Variants in ATAD5 observed in about 807,000 individuals in gnomAD.
The protein encoded by ATAD5 is ATPase family AAA domain containing 5.
A neutral mutation model predicts 176.9 loss-of-function variants in ATAD5; 58 were observed. The observed-to-expected ratio is 0.33, with a 90% confidence interval of 0.27 to 0.41. ATAD5 has a LOEUF of 0.41. Among genes scored for constraint, ATAD5 ranks in the 10% least tolerant of loss-of-function variants. The pLI is 1.00. For missense variants in ATAD5, 1,789 were observed against 2,094.1 expected, an observed-to-expected ratio of 0.85 and a Z score of 2.84; for synonymous variants, 640 against 712.6, an observed-to-expected ratio of 0.90 and a Z score of 1.62.
intron 14 of ATAD5, among the ~76,000 whole-genome samples, chr17:30,870,401 T>G (rs996530481): frequency 1.3e-5 from 2 of 152,208 alleles, no homozygotes; most frequent in African/African-American, 2.4e-5. Context: ...TATAGTCCTC[T>G]TCCCTATATT....
intron 10 of ATAD5, 23 bp downstream of exon 10, chr17:30,860,635 A>G: frequency 6.6e-7 from 1 of 1,522,812 alleles, no homozygotes; most frequent in Non-Finnish European, 8.7e-7. Flanking sequence ...AAACATCCCA[A>G]AAGAAATAGA....
chr17:30,858,379 A>G, intron 9 of ATAD5, 56 bp downstream of exon 9: 1 of 1,160,394 alleles, frequency 8.6e-7, no homozygotes, highest in Non-Finnish European at 1.1e-6. Context: ...TTTTTATATT[A>G]TTTATTATTT....
In ATAD5 at chr17:30,837,233, CA is replaced by C; in HGVS notation, c.2001del (p.Lys667AsnfsTer40). 6.4e-7 allele frequency: 1 copy of C among 1,566,316 alleles called. No homozygotes were observed. The highest frequency in any genetic ancestry group is 8.6e-7 in the Non-Finnish European group (1 of 1,158,978). On this transcript the variant is annotated frameshift_variant, in exon 3 of 23. Transcript: ENST00000321990. LOFTEE classifies it high-confidence loss of function. ...TGAAATTCACCAGAATTAGTACTCCCAAAAAATCTAAGAAAAAATCTAACAA... is the reference window on the plus strand; with the variant it reads ...TGAAATTCACCAGAATTAGTACTCCCAAAAATCTAAGAAAAAATCTAACAA... The part of the protein sequence containing the change: ...RMKFTRISTP[K>X]KSKKKSNKRS...
chr17:30,875,964 C>T (rs989165199), intron 14 of ATAD5, among the ~76,000 whole-genome samples: 12 of 151,334 alleles, frequency 7.9e-5, no homozygotes, highest in African/African-American at 2.7e-4. Flanking sequence ...GGTGAAACCC[C>T]GTCTCTACTA....
At chr17:30,881,835 G>A (rs1909032344) in intron 18 of ATAD5, among the ~76,000 whole-genome samples, 1 of 152,112 alleles carries the variant, frequency 6.6e-6, no homozygotes, top group Admixed American at 6.6e-5. Flanking sequence ...GATCACTTGA[G>A]TATGGGAGGC....
intron 6 of ATAD5, among the ~76,000 whole-genome samples, chr17:30,850,121 A>G (rs1484697404): frequency 6.6e-6 from 1 of 152,072 alleles, no homozygotes; most frequent in African/African-American, 2.4e-5. Flanking sequence ...AGCTTGGGTA[A>G]CAGAGCAAGA....
Position 30,894,070 on chromosome 17 carries a change from A to G in ATAD5, c.5217A>G (p.Arg1739=). 1 of 1,609,922 alleles carries G rather than the reference A, an allele frequency of 6.2e-7. No homozygotes were observed. The change falls in exon 21 of 23, where the codon AGA becomes AGG. Residue 1739 remains arginine, a synonymous_variant. Transcript: ENST00000321990. ...TGAATTCTTGCAAGAAATTAGGAAG[A>G]GATCCAACCAACGATCTTACTTTTT... ...ETLNSCKKLG[R]DPTNDLTFYV...
At chr17:30,880,443 T>A (rs541905335) in intron 18 of ATAD5, among the ~76,000 whole-genome samples, 1 of 152,024 alleles carries the variant, frequency 6.6e-6, no homozygotes, top group East Asian at 1.9e-4. Flanking sequence ...ACCCCATCTC[T>A]ATTAAAAATA....
In ATAD5 at chr17:30,879,507, A is replaced by G; in HGVS notation, c.4077+20A>G. On this transcript the variant is annotated intron_variant, in intron 18 of 22. Transcript: ENST00000321990. ...TCCCTGGTAAGTTTTAAATTTTGAT[A>G]GCCACAAATTACATATCACCATCAT... The G allele has an allele frequency of 6.3e-7, 1 of 1,578,168 alleles. No homozygotes were observed. Among genetic ancestry groups the G allele is most frequent in the Admixed American group, 2.0e-5 (1 of 51,132 alleles).
chr17:30,868,487 T>A (rs1597981407), intron 12 of ATAD5, 75 bp downstream of exon 12: 1 of 953,850 alleles, frequency 1.0e-6, no homozygotes, highest in Non-Finnish European at 1.4e-6. Flanking sequence ...TAAAACTTTC[T>A]ATAAAATTTC....
In ATAD5 at chr17:30,869,422, T is replaced by C. The variant is rs746883112; in HGVS notation, c.3456+32T>C. On this transcript the variant is annotated intron_variant, in intron 13 of 22. Transcript: ENST00000321990. ...AACAGCTATGATGAGAGAATGTTAA[T>C]GTAATAATTACCCTTGGATTAAAAG... 8 of 1,609,316 alleles carry C rather than the reference T, an allele frequency of 5.0e-6. No homozygotes were observed. In the Admixed American group the frequency reaches 8.6e-5, roughly 17 times the overall value.
intron 10 of ATAD5, 26 bp downstream of exon 10, chr17:30,860,638 G>T: frequency 6.6e-7 from 1 of 1,516,450 alleles, no homozygotes; most frequent in Non-Finnish European, 8.8e-7. Context: ...CATCCCAAAA[G>T]AAATAGATTG....
intron 19 of ATAD5, among the ~76,000 whole-genome samples, chr17:30,887,694 A>T (rs1189106552): frequency 6.6e-6 from 1 of 152,152 alleles, no homozygotes; most frequent in Non-Finnish European, 1.5e-5. Context: ...TGTGCCTGTA[A>T]TACTGGCTAC....
intron 1 of ATAD5, 152 bp downstream of exon 1, chr17:30,832,565 C>T: frequency 1.4e-6 from 1 of 691,378 alleles, no homozygotes; most frequent in Non-Finnish European, 2.1e-6. Context: ...GCAACAGTTG[C>T]CAGAGTGTGT....
chr17:30,891,209 A>G (rs572606843), intron 19 of ATAD5, among the ~76,000 whole-genome samples: 2 of 152,278 alleles, frequency 1.3e-5, no homozygotes, highest in Non-Finnish European at 2.9e-5. Context: ...TTATGCTCCC[A>G]TGAATAGTAT....
At chr17:30,836,087 A>C in intron 2 of ATAD5, 39 bp downstream of exon 2, 1 of 1,476,626 alleles carries the variant, frequency 6.8e-7, no homozygotes, top group Non-Finnish European at 9.0e-7. Flanking sequence ...AGTATTCTGC[A>C]TGTATTATTA....
rs1907325471 is a variant in ATAD5, at chr17:30,857,011, G to A, written c.2692G>A (p.Glu898Lys). Reference protein sequence around the residue: ...PSCPLLTKFKELNTKVIDLSK... With the variant: ...PSCPLLTKFKKLNTKVIDLSK... ...TTGTCCTCTCTTAACTAAATTTAAA[G>A]AACTGAACACTAAAGTAATAGATCT... The change falls in exon 8 of 23, where the codon GAA (glutamate) becomes AAA (lysine). Residue 898 changes from glutamate (E) to lysine (K), a missense_variant. By Grantham distance (56) the Glu-to-Lys change is moderately conservative. This residue lies in a region of ATAD5 where 487 missense variants were observed against 573.6 expected (regional missense o/e 0.85). Coordinates refer to ENST00000321990, the MANE Select transcript of ATAD5 (RefSeq NM_024857.5). The A allele has an allele frequency of 2.5e-6, 4 of 1,608,422 alleles. No individual in the cohort carries two copies. The African/African-American group carries it at 4.0e-5, about 16-fold the overall frequency.
rs1909706535 is a variant in ATAD5, at chr17:30,892,754, T to C, written c.4406T>C (p.Phe1469Ser). ...ACCTTGTTTGGCCTTAAGAACATTT[T>C]TTCCCCATCTGAAGACTTATTTTCA... is the stretch of plus-strand genomic sequence containing the variant. ...AETLFGLKNI[F>S]SPSEDLFSFL... Residue 1469 changes from phenylalanine to serine, a missense_variant, in exon 20 of 23, where the codon TTT (phenylalanine) becomes TCT (serine). Coordinates refer to ENST00000321990, the MANE Select transcript of ATAD5 (RefSeq NM_024857.5). 6.3e-7 allele frequency: 1 copy of C among 1,578,472 alleles called. No homozygotes were observed.
chr17:30,880,562 C>T (rs892642817), intron 18 of ATAD5, among the ~76,000 whole-genome samples: 3 of 147,972 alleles, frequency 2.0e-5, no homozygotes, highest in Non-Finnish European at 4.4e-5. Flanking sequence ...GAGCCTAGAT[C>T]GTGCTATTGC....
Sources: allele counts gnomAD v4.1 joint callset (sites outside exome capture counted in the v4.1 genomes callset), GRCh38; gene constraint gnomAD v4.1.1; regional missense constraint gnomAD v4.1.1; transcripts MANE v1.5; gene names NCBI Gene and HGNC (gene_info 2026-07-23, HGNC 2026-07-21).